PBX3: variants seen among roughly 807,000 people sequenced by gnomAD.
PBX3 encodes PBX homeobox 3, also known as pre-B-cell leukemia transcription factor 3.
Under a neutral mutation model 48.5 loss-of-function variants are expected in PBX3, and 14 were observed. That is an observed-to-expected ratio of 0.29 (90% CI 0.19 to 0.45). The LOEUF (loss-of-function observed/expected upper bound fraction) is 0.45. Ranked by LOEUF, PBX3 falls within the 20% of genes least tolerant of loss-of-function variation. PBX3 has a pLI of 1.00. For missense variants in PBX3, 386 were observed against 546.7 expected (o/e 0.71, Z 2.93); for synonymous variants, 210 against 200.3 (o/e 1.05, Z -0.41).
intron 2 of PBX3, among the ~76,000 whole-genome samples, chr9:125,845,287 G>A (rs907107448): frequency 6.6e-6 from 1 of 152,040 alleles, no homozygotes; most frequent in African/African-American, 2.4e-5. Context: ...CACCTGTGCA[G>A]CAATTTAGCT....
chr9:125,831,896 G>A (rs1237852661), intron 2 of PBX3, among the ~76,000 whole-genome samples: 1 of 152,074 alleles, frequency 6.6e-6, no homozygotes, highest in African/African-American at 2.4e-5. Flanking sequence ...TCCACCAGAT[G>A]TAGAATCTGC....
At chr9:125,938,091 A>T (rs1394135537) in intron 5 of PBX3, among the ~76,000 whole-genome samples, 1 of 152,242 alleles carries the variant, frequency 6.6e-6, no homozygotes, top group Non-Finnish European at 1.5e-5. Flanking sequence ...GAAAACAGGC[A>T]ACTGGAATAA....
At chr9:125,891,575 T>C (rs1840643302) in intron 2 of PBX3, among the ~76,000 whole-genome samples, 1 of 152,246 alleles carries the variant, frequency 6.6e-6, no homozygotes, top group African/African-American at 2.4e-5. Context: ...AGTTAATTTT[T>C]TCTCCTACTA....
intron 3 of PBX3, among the ~76,000 whole-genome samples, chr9:125,922,669 T>C (rs1424245841): frequency 2.6e-5 from 4 of 152,178 alleles, no homozygotes; most frequent in Non-Finnish European, 4.4e-5. Flanking sequence ...TCAATGTTAA[T>C]ATGTGGTTGG....
intron 2 of PBX3, among the ~76,000 whole-genome samples, chr9:125,904,966 A>G (rs1841036423): frequency 6.6e-6 from 1 of 151,934 alleles, no homozygotes; most frequent in Non-Finnish European, 1.5e-5. Flanking sequence ...TGACATTTCC[A>G]TGGTTTACCA....
intron 2 of PBX3, among the ~76,000 whole-genome samples, chr9:125,840,192 T>A (rs1314485280): frequency 6.6e-6 from 1 of 152,156 alleles, no homozygotes; most frequent in Non-Finnish European, 1.5e-5. Context: ...TCCAGAAGAT[T>A]TTTCTGTAGA....
chr9:125,780,245 C>A (rs1370256144), intron 2 of PBX3, among the ~76,000 whole-genome samples: 1 of 131,004 alleles, frequency 7.6e-6, no homozygotes, highest in Non-Finnish European at 1.6e-5. Context: ...GGGGGCTGAG[C>A]CCCCCACCTC....
chr9:125,951,083 G>T (rs1451852733), intron 5 of PBX3, among the ~76,000 whole-genome samples: 1 of 152,148 alleles, frequency 6.6e-6, no homozygotes. Context: ...GTAGAATTGG[G>T]TTTTTGTAAC....
At chr9:125,781,708 C>G (rs1044084997) in intron 2 of PBX3, among the ~76,000 whole-genome samples, 13 of 151,230 alleles carry the variant, frequency 8.6e-5, no homozygotes, top group African/African-American at 2.7e-4. Flanking sequence ...TCCACTCCAA[C>G]TTTTATTATT....
rs533019803 is a variant in PBX3 at position 125,946,033 on chromosome 9, A to C, written c.843+10426A>C. Reference sequence around the variant, plus strand: ...TAGACCCCTTTACTTTTCAGGGGTAAAAAGGTATGAATTGGTGTCTAGACC... The same window carrying C: ...TAGACCCCTTTACTTTTCAGGGGTACAAAGGTATGAATTGGTGTCTAGACC... On this transcript the variant is annotated intron_variant, in intron 5 of 8. Transcript: ENST00000373489. Among the ~76,000 whole-genome samples, 4 of 152,252 alleles carry C rather than the reference A, an allele frequency of 2.6e-5. No individual in the cohort carries two copies. In the East Asian group the frequency reaches 7.7e-4, roughly 29 times the overall value.
chr9:125,868,609 A>C (rs1439819936), intron 2 of PBX3, among the ~76,000 whole-genome samples: 1 of 152,188 alleles, frequency 6.6e-6, no homozygotes, highest in Non-Finnish European at 1.5e-5. Flanking sequence ...TAGGTTTTGA[A>C]GGCATATGTG....
chr9:125,794,883 C>T (rs1383761280), intron 2 of PBX3, among the ~76,000 whole-genome samples: 1 of 152,160 alleles, frequency 6.6e-6, no homozygotes, highest in Non-Finnish European at 1.5e-5. Flanking sequence ...GCTGGCTAGG[C>T]AACCCTTCCA....
chr9:125,772,007 G>A (rs1836951612), intron 2 of PBX3, among the ~76,000 whole-genome samples: 1 of 152,164 alleles, frequency 6.6e-6, no homozygotes, highest in Non-Finnish European at 1.5e-5. Context: ...AGGCAGTGGG[G>A]TGGGAGGTAG....
intron 2 of PBX3, among the ~76,000 whole-genome samples, chr9:125,825,042 T>C (rs898960392): frequency 8.5e-5 from 13 of 152,150 alleles, no homozygotes; most frequent in Non-Finnish European, 1.5e-4. Flanking sequence ...CTCAGCACTT[T>C]GGGAGGCTGA....
At chr9:125,796,045 C>G (rs1426233232) in intron 2 of PBX3, among the ~76,000 whole-genome samples, 1 of 151,986 alleles carries the variant, frequency 6.6e-6, no homozygotes, top group Non-Finnish European at 1.5e-5. Flanking sequence ...CTAGCTTATC[C>G]TTTTGCAGTA....
chr9:125,891,469 G>T (rs1254809287), intron 2 of PBX3, among the ~76,000 whole-genome samples: 1 of 152,198 alleles, frequency 6.6e-6, no homozygotes, highest in Non-Finnish European at 1.5e-5. Flanking sequence ...AAGCAGAGAG[G>T]AAAGTACTTA....
At chr9:125,865,882 A>C (rs1032438867) in intron 2 of PBX3, among the ~76,000 whole-genome samples, 4 of 152,250 alleles carry the variant, frequency 2.6e-5, no homozygotes, top group East Asian at 3.9e-4. Flanking sequence ...CATGTAATTA[A>C]GTTAGGCTGG....
chr9:125,853,010 TTCTC>T (rs1041324192), intron 2 of PBX3, among the ~76,000 whole-genome samples: 3 of 152,150 alleles, frequency 2.0e-5, no homozygotes, highest in Non-Finnish European at 2.9e-5. Context: ...TAAAATCCAT[TTCTC>T]TCTCAGTGTC....
At chr9:125,779,941 A>AG (rs1837204172) in intron 2 of PBX3, among the ~76,000 whole-genome samples, 1 of 68,236 alleles carries the variant, frequency 1.5e-5, no homozygotes, top group Non-Finnish European at 2.6e-5. Flanking sequence ...CGGGGGGCTG[A>AG]CCCCCCACCT....
Sources: allele counts gnomAD v4.1 joint callset (sites outside exome capture counted in the v4.1 genomes callset), GRCh38; gene constraint gnomAD v4.1.1; transcripts MANE v1.5; gene names NCBI Gene and HGNC (gene_info 2026-07-23, HGNC 2026-07-21).